The following NOD1 variants were observed in gnomAD, a reference collection of about 807,000 sequenced individuals.
NOD1 encodes nucleotide-binding oligomerization domain-containing protein 1.
Under a neutral mutation model 81.2 loss-of-function variants are expected in NOD1, and 70 were observed. The observed-to-expected ratio is 0.86, with a 90% CI of 0.71 to 1.05. The LOEUF is 1.05. NOD1 is among the 50% of genes least tolerant of loss of function. NOD1 has a pLI of 0.00. For missense variants in NOD1, 1,233 were observed against 1,228.0 expected, an observed-to-expected ratio of 1.00 and a Z score of -0.06; for synonymous variants, 508 against 526.9, an observed-to-expected ratio of 0.96 and a Z score of 0.49.
At position 30,452,095 on chromosome 7, in the gene NOD1, A is replaced by T. The variant is rs1276753809; in HGVS notation, c.1322T>A (p.Leu441Gln). Residue 441 changes from leucine to glutamine, a missense_variant, in exon 6 of 14, where the codon CTG becomes CAG. By Grantham distance (113) the Leu-to-Gln change is moderately radical. Coordinates refer to ENST00000222823, the MANE Select transcript of NOD1 (RefSeq NM_006092.4). ...TGGGCTGCGTGTGTTCCGCTGCACC[A>T]GGCTGCTGGGCTGCATCCTGTTCAG... ...VHLNRMQPSSLVQRNTRSPVE... is the reference protein window; with the variant it reads ...VHLNRMQPSSQVQRNTRSPVE... The T allele has an allele frequency of 1.2e-6, 2 of 1,613,730 alleles. No individual in the cohort carries two copies. The highest frequency in any genetic ancestry group is 1.7e-6 in the Non-Finnish European group (2 of 1,180,032).
chr7:30,429,438 T>C lies in NOD1; in HGVS notation c.2725A>G (p.Thr909Ala), dbSNP rs1409806327. The change falls in exon 13 of 14, where the codon ACA becomes GCA. Residue 909 changes from threonine (T) to alanine (A), a missense_variant. Thr to Ala is a moderately conservative substitution (Grantham distance 58). Coordinates refer to ENST00000222823, the MANE Select transcript of NOD1 (RefSeq NM_006092.4). The stretch of plus-strand genomic sequence containing the variant: ...GCCAGCTGGGCAGTCCCCTTAGCTG[T>C]GATCTGATTCTGGATAAGCCTGAAA... ...KHLWLIQNQI[T>A]AKGTAQLADA... 2 of 1,614,104 alleles carry C rather than the reference T, an allele frequency of 1.2e-6. No homozygotes were observed. Among genetic ancestry groups the C allele is most frequent in the Non-Finnish European group, 1.7e-6 (2 of 1,179,914 alleles).
In NOD1 at chr7:30,451,215, C is replaced by T. The variant is rs1464010758; in HGVS notation, c.2201+1G>A. On this transcript the variant is annotated splice_donor_variant, in intron 6 of 13. Transcript: ENST00000222823. LOFTEE classifies it high-confidence loss of function. The surrounding 1 kb of genome is among the most constrained non-coding windows in gnomAD (Gnocchi z 4.2). ...TTGCTCCCCTTGCCTGGCAGCCTCACCTGAGAACAGTGAGGCGGCTGAAGC... is the reference window on the plus strand; with the variant it reads ...TTGCTCCCCTTGCCTGGCAGCCTCATCTGAGAACAGTGAGGCGGCTGAAGC... The T allele has an allele frequency of 3.7e-6, 6 of 1,612,144 alleles. No homozygotes were observed. The highest frequency in any genetic ancestry group is 3.3e-5 in the Admixed American group (2 of 59,988).
At chr7:30,438,017 G>C (rs574703343) in intron 9 of NOD1, among the ~76,000 whole-genome samples, 1 of 152,244 alleles carries the variant, frequency 6.6e-6, no homozygotes, top group Non-Finnish European at 1.5e-5. Context: ...ACAGAGGTGC[G>C]CAGAGTCCTG....
At chr7:30,465,104 CA>C (rs113433397) in intron 1 of NOD1, among the ~76,000 whole-genome samples, 25,421 of 152,102 alleles carry the variant, frequency 0.17, 2,277 homozygotes, top group Admixed American at 0.23. Context: ...CAGAGAGAGA[CA>C]GGGGGGTGCC....
intron 9 of NOD1, 52 bp downstream of exon 9, chr7:30,446,089 C>CA: frequency 7.3e-7 from 1 of 1,374,270 alleles, no homozygotes. Context: ...CAAGGCCCGC[C>CA]CCCCACACAC....
intron 9 of NOD1, among the ~76,000 whole-genome samples, chr7:30,439,654 T>TGCAAG: frequency 1.1e-5 from 1 of 93,824 alleles, no homozygotes; most frequent in African/African-American, 5.3e-5. Context: ...GAGATCAAAC[T>TGCAAG]GCAAGGCGGC....
intron 13 of NOD1, 76 bp downstream of exon 13, chr7:30,429,298 G>A (rs759204264): frequency 6.7e-5 from 84 of 1,260,064 alleles, no homozygotes; most frequent in Admixed American, 1.2e-4. Flanking sequence ...ACCACCCTGC[G>A]TTGTGCCTTG....
chr7:30,457,322 G>A (rs376734964), intron 3 of NOD1, among the ~76,000 whole-genome samples: 12 of 152,160 alleles, frequency 7.9e-5, no homozygotes, highest in Admixed American at 2.0e-4. Flanking sequence ...GCATGGTGGC[G>A]CACCTGTAGT....
intron 7 of NOD1, chr7:30,447,966 G>A (rs1186597905): frequency 8.0e-6 from 2 of 251,268 alleles, no homozygotes; most frequent in Admixed American, 1.0e-4. Context: ...AGGGATTATG[G>A]ACCCAAAATA....
rs3020208 is a variant in NOD1 at position 30,452,526 on chromosome 7, G to A, written c.891C>T (p.Arg297=). The change falls in exon 6 of 14, where the codon CGC becomes CGT. Residue 297 remains arginine (R), a synonymous_variant. Transcript: ENST00000222823. ...DELHSDLDLS[R]VPDSSCPWEP... is the part of the protein sequence containing the mutation. ...CCCAGGGGCAGGAGCTGTCAGGCAC[G>A]CGGCTCAGGTCCAAGTCCGAGTGCA... 4.5e-3 allele frequency: 7,235 copies of A among 1,613,108 alleles called. 278 individuals are homozygous for A. In the African/African-American group the frequency reaches 0.085, roughly 19 times the overall value.
Position 30,452,280 on chromosome 7 carries a change from C to T in NOD1, c.1137G>A (p.Glu379=). ...ACAGGCTGCAGAGGTTGGGGTTGGC[C>T]TCCAGCTGGCTCAGCAGGCGGTCCT... is the stretch of plus-strand genomic sequence containing the variant. ...ALQDRLLSQL[E]ANPNLCSLCS... Residue 379 remains glutamate, a synonymous_variant, in exon 6 of 14, where the codon GAG becomes GAA. Transcript: ENST00000222823. 9 of 1,613,426 alleles carry T rather than the reference C, an allele frequency of 5.6e-6. No homozygotes were observed. Among genetic ancestry groups the T allele is most frequent in the Non-Finnish European group, 6.8e-6 (8 of 1,179,842 alleles).
intron 9 of NOD1, among the ~76,000 whole-genome samples, chr7:30,438,232 C>T (rs577715776): frequency 2.0e-5 from 3 of 152,168 alleles, no homozygotes; most frequent in African/African-American, 2.4e-5. Context: ...ACAGGTGCGG[C>T]GATAAAGCTG....
At chr7:30,445,756 CAAAAAAAAAA>C (rs35669955) in intron 9 of NOD1, among the ~76,000 whole-genome samples, 1 of 36,072 alleles carries the variant, frequency 2.8e-5, no homozygotes, top group Admixed American at 3.4e-4. Flanking sequence ...GAGACTCTGT[CAAAAAAAAAA>C]AAAAAAAAAA....
rs956909213 is a variant in NOD1, at chr7:30,478,764, C to A, written c.-510G>T. ...AGGGGCAGGACCGGGGCGGCTGCCT[C>A]GCGGGCCCGGAACGGGAACTGGCTG... On this transcript the variant is annotated 5_prime_UTR_variant, in exon 1 of 14. Transcript: ENST00000222823. The surrounding 1 kb of genome is among the most constrained non-coding windows in gnomAD (Gnocchi z 4.1). 1 of 152,214 alleles carries A rather than the reference C, an allele frequency of 6.6e-6. No homozygotes were observed. Among genetic ancestry groups the A allele is most frequent in the African/African-American group, 2.4e-5 (1 of 41,450 alleles). 9.4% of individuals were successfully genotyped at this position (152,214 alleles called of 1,614,324 possible).
intron 1 of NOD1, chr7:30,460,599 C>G: frequency 2.0e-6 from 2 of 985,294 alleles, no homozygotes; most frequent in Non-Finnish European, 2.4e-6. Context: ...CACCGCAGAA[C>G]AAAAGATGGA....
At chr7:30,462,948 CAAAAAAAA>C (rs11313806) in intron 1 of NOD1, among the ~76,000 whole-genome samples, 2 of 101,336 alleles carry the variant, frequency 2.0e-5, no homozygotes, top group African/African-American at 7.8e-5. Flanking sequence ...GACTCCATCT[CAAAAAAAA>C]AAAAAAAAAG....
chr7:30,467,820 G>C lies in NOD1; in HGVS notation c.-351-7779C>G, dbSNP rs553299932. On this transcript the variant is annotated intron_variant, in intron 1 of 13. Coordinates refer to ENST00000222823, the MANE Select transcript of NOD1 (RefSeq NM_006092.4). This position sits in a 1 kb window ranked among gnomAD's most constrained non-coding sequence, Gnocchi z 4.5. The stretch of plus-strand genomic sequence containing the variant: ...AGGTTCAAGTGATTCTCCTGCCTCA[G>C]CCTCCTGAGTAGCTGGGATTACAGG... Among the ~76,000 whole-genome samples the C allele has an allele frequency of 6.6e-6, 1 of 152,220 alleles. No homozygotes were observed. The highest frequency in any genetic ancestry group is 1.9e-4 in the East Asian group (1 of 5,170).
intron 1 of NOD1, among the ~76,000 whole-genome samples, chr7:30,461,490 AT>A (rs1660074914): frequency 1.3e-5 from 2 of 152,004 alleles, no homozygotes; most frequent in Non-Finnish European, 2.9e-5. Flanking sequence ...TCAACAAAAA[AT>A]TTATTAATGA....
chr7:30,451,760 C>G lies in NOD1; in HGVS notation c.1657G>C (p.Ala553Pro). The change falls in exon 6 of 14, where the codon GCA (alanine) becomes CCA (proline). Residue 553 changes from alanine to proline, a missense_variant. By Grantham distance (27) the Ala-to-Pro change is conservative. Coordinates refer to ENST00000222823, the MANE Select transcript of NOD1 (RefSeq NM_006092.4). This position sits in a 1 kb window ranked among gnomAD's most constrained non-coding sequence, Gnocchi z 4.2. ...FFQEWMPPAG[A>P]ATTSCYPPFL... ...GGAGGATAGCAGGACGTGGTCGCTGCCCCCGCAGGGGGCATCCACTCCTGG... is the reference window on the plus strand; with the variant it reads ...GGAGGATAGCAGGACGTGGTCGCTGGCCCCGCAGGGGGCATCCACTCCTGG... 6.2e-7 allele frequency: 1 copy of G among 1,613,498 alleles called. No homozygotes were observed. The highest frequency in any genetic ancestry group is 2.2e-5 in the East Asian group (1 of 44,856).
Sources: allele counts gnomAD v4.1 joint callset (sites outside exome capture counted in the v4.1 genomes callset), GRCh38; gene constraint gnomAD v4.1.1; non-coding constraint Gnocchi (gnomAD v3.1); transcripts MANE v1.5; gene names NCBI Gene and HGNC (gene_info 2026-07-23, HGNC 2026-07-21).